IL1RAP: variants seen among roughly 807,000 people sequenced by gnomAD.
The protein encoded by IL1RAP is interleukin-1 receptor accessory protein.
In IL1RAP, 35 loss-of-function variants were observed where a neutral mutation model predicts 60.7. The ratio of observed to expected loss-of-function variants is 0.58; its 90% confidence interval spans 0.44 to 0.76. The LOEUF is 0.76. Ranked by LOEUF, IL1RAP falls within the 30% of genes least tolerant of loss-of-function variation. IL1RAP has a pLI of 0.00. For missense variants in IL1RAP, 572 were observed against 693.9 expected (o/e 0.82, Z 1.97); for synonymous variants, 268 against 250.9 (o/e 1.07, Z -0.64).
At chr3:190,581,001 A>G (rs183514437) in intron 3 of IL1RAP, among the ~76,000 whole-genome samples, 2 of 152,302 alleles carry the variant, frequency 1.3e-5, no homozygotes, top group Admixed American at 6.5e-5. Context: ...GTGGTTTTTA[A>G]AAAAGAAACA....
At chr3:190,553,401 A>G (rs1725044197) in intron 1 of IL1RAP, among the ~76,000 whole-genome samples, 1 of 152,272 alleles carries the variant, frequency 6.6e-6, no homozygotes, top group Non-Finnish European at 1.5e-5. Flanking sequence ...CACGCTTAAA[A>G]GTCAACTCCT....
chr3:190,558,171 G>T (rs953011138), intron 2 of IL1RAP, among the ~76,000 whole-genome samples: 5 of 152,102 alleles, frequency 3.3e-5, no homozygotes, highest in African/African-American at 1.2e-4. Flanking sequence ...CACAGAATTT[G>T]TTGATCCATT....
intron 1 of IL1RAP, among the ~76,000 whole-genome samples, chr3:190,530,012 G>A (rs995218349): frequency 5.3e-5 from 8 of 152,146 alleles, no homozygotes; most frequent in Non-Finnish European, 1.2e-4. Flanking sequence ...TCTATGGGCA[G>A]CCCTAACTTG....
At chr3:190,610,489 A>G (rs1465624309) in intron 5 of IL1RAP, among the ~76,000 whole-genome samples, 1 of 152,050 alleles carries the variant, frequency 6.6e-6, no homozygotes, top group Non-Finnish European at 1.5e-5. Context: ...AGATTAGTAG[A>G]AGGTGAAAGG....
At position 190,651,467 on chromosome 3, in the gene IL1RAP, T is replaced by A. The variant is rs903861989; in HGVS notation, c.*2762T>A. On this transcript the variant is annotated 3_prime_UTR_variant, in exon 12 of 12. Transcript: ENST00000447382. ...TGTATTTTTCATTTTTCATTTGATTTGTAAATTTACTTATGTTAAAAATAA... is the reference window on the plus strand; with the variant it reads ...TGTATTTTTCATTTTTCATTTGATTAGTAAATTTACTTATGTTAAAAATAA... The A allele has an allele frequency of 1.9e-6, 1 of 528,066 alleles. No individual in the cohort carries two copies. Among genetic ancestry groups the A allele is most frequent in the Admixed American group, 6.4e-5 (1 of 15,662 alleles). 32.7% of individuals were successfully genotyped at this position (528,066 alleles called of 1,614,324 possible).
chr3:190,523,335 T>C (rs1722243036), intron 1 of IL1RAP, among the ~76,000 whole-genome samples: 2 of 152,152 alleles, frequency 1.3e-5, no homozygotes, highest in Admixed American at 1.3e-4. Context: ...AGCTTACACA[T>C]ACTATTTTAT....
intron 10 of IL1RAP, 104 bp from the exon 11 acceptor site, chr3:190,645,595 T>C (rs1331612214): frequency 2.3e-6 from 2 of 885,114 alleles, no homozygotes; most frequent in Non-Finnish European, 3.5e-6. Flanking sequence ...CTGGAATCTG[T>C]CACATAATGA....
chr3:190,561,901 T>G (rs1725916563), intron 2 of IL1RAP, among the ~76,000 whole-genome samples: 1 of 152,210 alleles, frequency 6.6e-6, no homozygotes, highest in African/African-American at 2.4e-5. Flanking sequence ...CAGCCATCTA[T>G]CTAATACGCG....
intron 1 of IL1RAP, among the ~76,000 whole-genome samples, chr3:190,545,423 ACTT>A (rs1296615576): frequency 6.6e-6 from 1 of 152,108 alleles, no homozygotes; most frequent in Non-Finnish European, 1.5e-5. Context: ...TCTCTCATTG[ACTT>A]CTTATTTAAA....
rs1441679083 is a variant in IL1RAP at position 190,644,384 on chromosome 3, T to G, written c.1188T>G (p.Asp396Glu). ...VLFYRAHFGT[D>E]ETILDGKEYD... Reference sequence around the variant, plus strand: ...TTTACCGGGCTCATTTTGGAACAGATGAAACCATTTTAGGTAAGTAACAGA... The same window carrying G: ...TTTACCGGGCTCATTTTGGAACAGAGGAAACCATTTTAGGTAAGTAACAGA... Residue 396 changes from aspartate (D) to glutamate (E), a missense_variant, in exon 10 of 12, where the codon GAT (aspartate) becomes GAG (glutamate). Transcript: ENST00000447382. The G allele has an allele frequency of 6.2e-7, 1 of 1,613,602 alleles. No individual in the cohort carries two copies. Among genetic ancestry groups the G allele is most frequent in the African/African-American group, 1.3e-5 (1 of 75,014 alleles).
intron 3 of IL1RAP, among the ~76,000 whole-genome samples, chr3:190,591,940 G>C (rs1291029969): frequency 2.0e-5 from 3 of 152,066 alleles, no homozygotes; most frequent in Non-Finnish European, 4.4e-5. Flanking sequence ...AGCAGCATGA[G>C]GTTGCTCATT....
At chr3:190,548,998 G>T (rs968619494) in intron 1 of IL1RAP, among the ~76,000 whole-genome samples, 1 of 151,886 alleles carries the variant, frequency 6.6e-6, no homozygotes, top group Non-Finnish European at 1.5e-5. Flanking sequence ...TGGTCAAATT[G>T]TTGTGAGACA....
chr3:190,540,651 C>T (rs932295057), intron 1 of IL1RAP, among the ~76,000 whole-genome samples: 2 of 151,416 alleles, frequency 1.3e-5, no homozygotes, highest in Non-Finnish European at 2.9e-5. Flanking sequence ...TTTAATATTA[C>T]TTTAGTGAAA....
At chr3:190,592,715 A>G (rs1577679695) in intron 3 of IL1RAP, among the ~76,000 whole-genome samples, 1 of 152,230 alleles carries the variant, frequency 6.6e-6, no homozygotes, top group African/African-American at 2.4e-5. Context: ...CTAGACTCTG[A>G]AAGACCCCAG....
At chr3:190,602,058 A>G (rs1216913261) in intron 3 of IL1RAP, among the ~76,000 whole-genome samples, 1 of 152,180 alleles carries the variant, frequency 6.6e-6, no homozygotes, top group African/African-American at 2.4e-5. Flanking sequence ...TGGAAAACTT[A>G]CAGTTTCAAA....
intron 9 of IL1RAP, among the ~76,000 whole-genome samples, chr3:190,636,516 TC>T (rs1733235184): frequency 6.6e-6 from 1 of 151,706 alleles, no homozygotes; most frequent in African/African-American, 2.4e-5. Flanking sequence ...ATTCCAGCTT[TC>T]TTTTTTTTTA....
intron 3 of IL1RAP, among the ~76,000 whole-genome samples, chr3:190,594,832 C>T (rs1198421703): frequency 2.0e-5 from 3 of 152,264 alleles, no homozygotes; most frequent in Admixed American, 2.0e-4. Flanking sequence ...TATGGACATT[C>T]TCAGTTTATG....
chr3:190,581,425 AC>A (rs1727987870), intron 3 of IL1RAP, among the ~76,000 whole-genome samples: 1 of 152,208 alleles, frequency 6.6e-6, no homozygotes, highest in African/African-American at 2.4e-5. Context: ...GTAGGTAAGC[AC>A]CAGTTGGTGC....
At chr3:190,637,453 T>C (rs1733313362) in intron 9 of IL1RAP, among the ~76,000 whole-genome samples, 1 of 152,160 alleles carries the variant, frequency 6.6e-6, no homozygotes, top group South Asian at 2.1e-4. Flanking sequence ...CCATTAACAT[T>C]GGTTATCTTT....
Sources: gnomAD v4.1 joint callset for allele counts (sites outside exome capture counted in the v4.1 genomes callset) on GRCh38, gnomAD v4.1.1 for gene constraint, MANE v1.5 for transcripts, NCBI Gene and HGNC (gene_info 2026-07-23, HGNC 2026-07-21) for gene names.